The following B4GALT6 variants were observed in gnomAD, a reference collection of about 807,000 sequenced individuals.
B4GALT6 encodes beta-1,4-galactosyltransferase 6.
Under a neutral mutation model 46.3 loss-of-function variants are expected in B4GALT6, and 14 were observed. The observed-to-expected ratio is 0.30, with a 90% confidence interval of 0.20 to 0.47. The LOEUF (loss-of-function observed/expected upper bound fraction) is 0.47, where lower values mean the gene tolerates loss of function less well. Ranked by LOEUF, B4GALT6 falls within the 20% of genes least tolerant of loss-of-function variation. The probability of loss-of-function intolerance (pLI) is 0.99; values close to 1 mark genes in which losing one functional copy is unlikely to be tolerated. For synonymous variants in B4GALT6, 168 were observed against 162.0 expected (o/e 1.04, Z -0.28); for missense variants, 386 against 480.1 (o/e 0.80, Z 1.83).
the B4GALT6 span, among the ~76,000 whole-genome samples, chr18:31,702,364 GA>G: frequency 6.6e-6 from 1 of 152,174 alleles, no homozygotes; most frequent in African/African-American, 2.4e-5. Context: ...TACATAGGGT[GA>G]CTGGAAACAA....
chr18:31,724,069 G>T, the B4GALT6 span: 125 of 318,038 alleles, frequency 3.9e-4, no homozygotes, highest in Non-Finnish European at 6.9e-4. Flanking sequence ...CAGGGCGGAA[G>T]GGAGGTTTGG....
the B4GALT6 span, among the ~76,000 whole-genome samples, chr18:31,717,106 A>AAAAG: frequency 2.2e-4 from 34 of 152,248 alleles, no homozygotes; most frequent in South Asian, 6.2e-4. Context: ...CTATCTCAAA[A>AAAAG]AAAGAAAGAA....
At chr18:31,664,024 G>A (rs1236313380) in intron 2 of B4GALT6, among the ~76,000 whole-genome samples, 1 of 152,178 alleles carries the variant, frequency 6.6e-6, no homozygotes, top group Admixed American at 6.5e-5. Flanking sequence ...TATCGCATGT[G>A]GCCATGCAAT....
intron 1 of B4GALT6, among the ~76,000 whole-genome samples, chr18:31,677,966 C>A (rs1598931765): frequency 6.6e-6 from 1 of 152,308 alleles, no homozygotes; most frequent in East Asian, 1.9e-4. Context: ...ACATGTCTCA[C>A]CTCAGCCTCC....
the B4GALT6 span, among the ~76,000 whole-genome samples, chr18:31,718,012 C>A: frequency 3.3e-5 from 5 of 150,868 alleles, no homozygotes; most frequent in Admixed American, 2.6e-4. Flanking sequence ...AAAAGGGAGT[C>A]ATGCATAAAT....
intron 1 of B4GALT6, among the ~76,000 whole-genome samples, chr18:31,673,265 G>A (rs530065375): frequency 8.2e-4 from 125 of 152,046 alleles, no homozygotes; most frequent in Admixed American, 2.4e-3. Context: ...AGCAGATGGA[G>A]AGTTTAAAAA....
the B4GALT6 span, among the ~76,000 whole-genome samples, chr18:31,706,645 G>GA: frequency 1.3e-5 from 2 of 151,256 alleles, no homozygotes; most frequent in South Asian, 2.1e-4. Context: ...AAAAAGAAAA[G>GA]AAAAAAAAGA....
chr18:31,712,284 G>GTT, the B4GALT6 span, among the ~76,000 whole-genome samples: 25 of 88,310 alleles, frequency 2.8e-4, no homozygotes, highest in African/African-American at 1.1e-3. Flanking sequence ...CTACTGGGAC[G>GTT]TTATTTTTTT....
intron 6 of B4GALT6, among the ~76,000 whole-genome samples, chr18:31,629,992 A>G (rs539984207): frequency 2.0e-5 from 3 of 147,910 alleles, no homozygotes; most frequent in Admixed American, 6.7e-5. Flanking sequence ...AAAAAAAAGG[A>G]AGGAGGAGGA....
chr18:31,715,845 G>T, the B4GALT6 span, among the ~76,000 whole-genome samples: 4 of 151,926 alleles, frequency 2.6e-5, no homozygotes, highest in East Asian at 7.7e-4. Context: ...TGCTATGCCC[G>T]GCCAGGAACT....
At chr18:31,664,888 G>A (rs761430702) in intron 2 of B4GALT6, among the ~76,000 whole-genome samples, 18 of 152,172 alleles carry the variant, frequency 1.2e-4, no homozygotes, top group Non-Finnish European at 2.5e-4. Context: ...CATCAACTAT[G>A]CTGAGGCAGT....
At chr18:31,661,872 T>TA (rs2074221715) in intron 2 of B4GALT6, among the ~76,000 whole-genome samples, 1 of 152,254 alleles carries the variant, frequency 6.6e-6, no homozygotes, top group South Asian at 2.1e-4. Context: ...ATCCTTTTGT[T>TA]AATGTCATGC....
At chr18:31,712,685 C>A in the B4GALT6 span, among the ~76,000 whole-genome samples, 2 of 152,178 alleles carry the variant, frequency 1.3e-5, no homozygotes, top group African/African-American at 4.8e-5. Context: ...TTGATTTCTT[C>A]CTTCCTAATC....
At chr18:31,723,496 C>T in the B4GALT6 span, among the ~76,000 whole-genome samples, 1 of 152,050 alleles carries the variant, frequency 6.6e-6, no homozygotes, top group Non-Finnish European at 1.5e-5. Context: ...AGGGTAAAGG[C>T]TGTGTTAAGT....
At chr18:31,670,638 G>C (rs1000772445) in intron 1 of B4GALT6, among the ~76,000 whole-genome samples, 2 of 152,194 alleles carry the variant, frequency 1.3e-5, no homozygotes, top group African/African-American at 4.8e-5. Context: ...CTATGTCACA[G>C]GGTTGCAAGA....
the B4GALT6 span, among the ~76,000 whole-genome samples, chr18:31,691,292 C>CATATAT: frequency 4.6e-4 from 54 of 117,400 alleles, 1 homozygote; most frequent in African/African-American, 7.2e-4. Flanking sequence ...CATAATTTTA[C>CATATAT]ATATATATAT....
the B4GALT6 span, among the ~76,000 whole-genome samples, chr18:31,704,053 T>C: frequency 6.6e-6 from 1 of 152,060 alleles, no homozygotes; most frequent in Non-Finnish European, 1.5e-5. Context: ...AAAAACTTAA[T>C]GTGAAAAATT....
At chr18:31,667,978 C>G (rs1356916262) in intron 1 of B4GALT6, among the ~76,000 whole-genome samples, 2 of 151,718 alleles carry the variant, frequency 1.3e-5, no homozygotes, top group African/African-American at 4.8e-5. Context: ...AAGCCTGTAA[C>G]CCCAGCTACT....
Position 31,627,012 on chromosome 18 carries a change from C to A in B4GALT6, c.886G>T (p.Asp296Tyr). The change falls in exon 7 of 9, where the codon GAC (aspartate) becomes TAC (tyrosine). Residue 296 changes from aspartate (D) to tyrosine (Y), a missense_variant. Physicochemically the swap from Asp to Tyr is radical, Grantham distance 160. This residue lies in a region of B4GALT6 where 323 missense variants were observed against 438.9 expected (regional missense o/e 0.74). Transcript: ENST00000306851. ...AFWGWGGEDDDLWNRVHYAGY... is the reference protein window; with the variant it reads ...AFWGWGGEDDYLWNRVHYAGY... Reference sequence around the variant, plus strand: ...ACCTCAACATACCTGTTCCAAAGGTCATCATCTTCTCCTCCCCATCCCCAG... The same window carrying A: ...ACCTCAACATACCTGTTCCAAAGGTAATCATCTTCTCCTCCCCATCCCCAG... 6.2e-7 allele frequency: 1 copy of A among 1,610,148 alleles called. No individual in the cohort carries two copies. Among genetic ancestry groups the A allele is most frequent in the Non-Finnish European group, 8.5e-7 (1 of 1,178,690 alleles).
Sources: allele counts gnomAD v4.1 joint callset (sites outside exome capture counted in the v4.1 genomes callset), GRCh38; gene constraint gnomAD v4.1.1; regional missense constraint gnomAD v4.1.1; transcripts MANE v1.5; gene names NCBI Gene and HGNC (gene_info 2026-07-23, HGNC 2026-07-21).